The following RIOK1 variants were observed in gnomAD, a reference collection of about 807,000 sequenced individuals.
The protein encoded by RIOK1 is RIO kinase 1.
In RIOK1, 66 loss-of-function variants were observed where a neutral mutation model predicts 73.5. That is an observed-to-expected ratio of 0.90 (90% CI 0.74 to 1.10). RIOK1 has a LOEUF of 1.10. Among genes scored for constraint, RIOK1 ranks in the 50% least tolerant of loss-of-function variants. The pLI is 0.00. For synonymous variants in RIOK1, 224 were observed against 226.8 expected, an observed-to-expected ratio of 0.99 and a Z score of 0.11; for missense variants, 658 against 699.8, an observed-to-expected ratio of 0.94 and a Z score of 0.67.
chr6:7,405,177 T>C, intron 11 of RIOK1, 72 bp from the exon 12 acceptor site: 1 of 1,103,632 alleles, frequency 9.1e-7, no homozygotes, highest in Admixed American at 1.9e-5. Context: ...TCTCCTTGTT[T>C]CTCTATAAGG....
At position 7,389,993 on chromosome 6, in the gene RIOK1, C is replaced by T. The variant is rs765749149; in HGVS notation, c.-10C>T. The T allele has an allele frequency of 1.5e-5, 24 of 1,550,732 alleles. No individual in the cohort carries two copies. The highest frequency in any genetic ancestry group is 3.9e-5 in the Admixed American group (2 of 51,160). On this transcript the variant is annotated 5_prime_UTR_variant, in exon 1 of 17. Transcript: ENST00000379834. ...CGCAGAGCGGCGGCCTCCGGCGGCG[C>T]TCTCCAGTCATGGACTACCGGCGGC... is the stretch of plus-strand genomic sequence containing the variant.
At position 7,412,512 on chromosome 6, in the gene RIOK1, G is replaced by T. The variant is rs567863749; in HGVS notation, c.1390-377G>T. 3.5e-3 allele frequency among the ~76,000 whole-genome samples: 525 copies of T among 152,092 alleles called. 4 individuals are homozygous for T. The highest frequency in any genetic ancestry group is 6.6e-3 in the Non-Finnish European group (449 of 67,976). ...TCTACTAAAAATATAAAAATTAGCT[G>T]GGCATCGTGGCAGCTGTAATCCCTG... is the stretch of plus-strand genomic sequence containing the variant. On this transcript the variant is annotated intron_variant, in intron 14 of 16. Coordinates refer to ENST00000379834, the MANE Select transcript of RIOK1 (RefSeq NM_031480.3).
rs1327033986 is a variant in RIOK1, at chr6:7,403,994, T to C, written c.821T>C (p.Val274Ala). The C allele has an allele frequency of 6.2e-7, 1 of 1,612,448 alleles. No homozygotes were observed. The change falls in exon 9 of 17, where the codon GTT becomes GCT. Residue 274 changes from valine (V) to alanine (A), a missense_variant. Physicochemically the swap from Val to Ala is moderately conservative, Grantham distance 64. Coordinates refer to ENST00000379834, the MANE Select transcript of RIOK1 (RefSeq NM_031480.3). ...CPEPIMLRSH[V>A]LVMSFIGKDD... is the part of the protein sequence containing the mutation. ...GAACCAATAATGCTAAGAAGTCATGTTCTTGTCATGAGTTTCATCGGTAAA... is the reference window on the plus strand; with the variant it reads ...GAACCAATAATGCTAAGAAGTCATGCTCTTGTCATGAGTTTCATCGGTAAA...
At position 7,417,622 on chromosome 6, in the gene RIOK1, A is replaced by G; in HGVS notation, c.*181A>G. 5.1e-6 allele frequency: 2 copies of G among 394,342 alleles called. No individual in the cohort carries two copies. The highest frequency in any genetic ancestry group is 9.4e-6 in the Non-Finnish European group (2 of 212,598). 24.4% of individuals were successfully genotyped at this position (394,342 alleles called of 1,614,324 possible). ...AAAAGCTCTAAGCTCTAGAGTCTAG[A>G]TCCAGTCACTGACTCTGTCTGGTGT... On this transcript the variant is annotated 3_prime_UTR_variant, in exon 17 of 17. Transcript: ENST00000379834.
intron 10 of RIOK1, 35 bp from the exon 11 acceptor site, chr6:7,404,883 T>C (rs773311563): frequency 1.3e-6 from 2 of 1,524,266 alleles, no homozygotes; most frequent in South Asian, 2.3e-5. Context: ...AGTAAAGTAA[T>C]ACCATCCCAC....
At chr6:7,398,176 T>G (rs1412505027) in intron 4 of RIOK1, among the ~76,000 whole-genome samples, 2 of 152,000 alleles carry the variant, frequency 1.3e-5, no homozygotes, top group African/African-American at 4.8e-5. Context: ...CAAAAAAACT[T>G]GTATCTTCTT....
At chr6:7,401,236 A>G (rs965931451) in intron 6 of RIOK1, among the ~76,000 whole-genome samples, 186 bp downstream of exon 6, 3 of 152,220 alleles carry the variant, frequency 2.0e-5, no homozygotes, top group African/African-American at 7.2e-5. Context: ...GCTGCATTGG[A>G]TCATTGAGTC....
intron 8 of RIOK1, 105 bp from the exon 9 acceptor site, chr6:7,403,836 G>A (rs753674708): frequency 8.4e-6 from 6 of 714,624 alleles, no homozygotes; most frequent in Non-Finnish European, 1.5e-5. Context: ...AGAGGCCTTG[G>A]TGCTATTTCT....
rs1227944878 is a variant in RIOK1 at position 7,417,396 on chromosome 6, GA to G, written c.1669del (p.Arg557GlufsTer33). ...GAAAAAACAAAATTCCTAAACATGT[GA>G]AAAAAAGAAAGGAGAAGACAGCCAA... is the stretch of plus-strand genomic sequence containing the variant. ...KRKNKIPKHV[K>X]KRKEKTAKTK... On this transcript the variant is annotated frameshift_variant, in exon 17 of 17. Transcript: ENST00000379834. LOFTEE classifies it high-confidence loss of function. 3.8e-6 allele frequency: 6 copies of G among 1,566,028 alleles called. No individual in the cohort carries two copies. The highest frequency in any genetic ancestry group is 3.9e-5 in the Admixed American group (2 of 51,932).
chr6:7,403,951 G>A lies in RIOK1; in HGVS notation c.778G>A (p.Ala260Thr). The change falls in exon 9 of 17, where the codon GCA (alanine) becomes ACA (threonine). Residue 260 changes from alanine to threonine, a missense_variant. Ala to Thr is a moderately conservative substitution (Grantham distance 58). Transcript: ENST00000379834. ...EMRNLIRLNT[A>T]EIPCPEPIML... The stretch of plus-strand genomic sequence containing the variant: ...GTTATAATATCACAGGCTAAACACA[G>A]CAGAGATACCATGTCCAGAACCAAT... The A allele has an allele frequency of 6.2e-7, 1 of 1,610,704 alleles. No homozygotes were observed. Among genetic ancestry groups the A allele is most frequent in the South Asian group, 1.1e-5 (1 of 90,976 alleles).
At chr6:7,399,936 A>G (rs112460634) in intron 5 of RIOK1, among the ~76,000 whole-genome samples, 196 of 152,326 alleles carry the variant, frequency 1.3e-3, no homozygotes, top group Non-Finnish European at 1.8e-3. Context: ...ACCCTAAAGT[A>G]TAGTTGAGTT....
intron 14 of RIOK1, 101 bp from the exon 15 acceptor site, chr6:7,412,788 G>T: frequency 2.1e-6 from 1 of 478,924 alleles, no homozygotes; most frequent in Non-Finnish European, 3.7e-6. Flanking sequence ...AATCATAGGA[G>T]ACATTATTTA....
intron 1 of RIOK1, 35 bp downstream of exon 1, chr6:7,390,108 G>A (rs114514364): frequency 1.3e-6 from 2 of 1,540,730 alleles, no homozygotes; most frequent in South Asian, 1.2e-5. Flanking sequence ...CTCTGGGTAC[G>A]GCTCTCTCCT....
At chr6:7,406,835 A>T (rs888392919) in intron 12 of RIOK1, among the ~76,000 whole-genome samples, 5 of 151,840 alleles carry the variant, frequency 3.3e-5, no homozygotes, top group African/African-American at 1.2e-4. Context: ...TAATTTGGGT[A>T]TTTTTTGGTA....
chr6:7,415,264 A>T (rs1160554693), intron 16 of RIOK1, among the ~76,000 whole-genome samples: 1 of 152,158 alleles, frequency 6.6e-6, no homozygotes, highest in Admixed American at 6.5e-5. Context: ...CTATTAAAAC[A>T]TTGGTGATGA....
Position 7,398,711 on chromosome 6 carries a change from G to C in RIOK1, c.451G>C (p.Asp151His). 1 of 1,613,130 alleles carries C rather than the reference G, an allele frequency of 6.2e-7. No homozygotes were observed. The highest frequency in any genetic ancestry group is 8.5e-7 in the Non-Finnish European group (1 of 1,179,494). ...GTTTTTGGTTAGGTATCGCATCAAA[G>C]ATAAGGCAGACAGAGCAACTGTAGA... ...QKEADMYRIK[D>H]KADRATVEQV... The change falls in exon 5 of 17, where the codon GAT (aspartate) becomes CAT (histidine). Residue 151 changes from aspartate (D) to histidine (H), a missense_variant. Transcript: ENST00000379834.
chr6:7,409,911 G>C (rs570273480), intron 12 of RIOK1, among the ~76,000 whole-genome samples: 78 of 151,504 alleles, frequency 5.1e-4, no homozygotes, highest in African/African-American at 1.6e-3. Flanking sequence ...TGTCACCCTC[G>C]TTTCAGTCAT....
intron 9 of RIOK1, 89 bp downstream of exon 9, chr6:7,404,116 T>A: frequency 1.1e-6 from 1 of 915,426 alleles, no homozygotes; most frequent in South Asian, 1.4e-5. Context: ...ATTTCCCATT[T>A]GAATAACTTA....
Position 7,417,440 on chromosome 6 carries a change from AG to A in RIOK1, c.1707del (p.Ter569=). 1 of 1,518,086 alleles carries A rather than the reference AG, an allele frequency of 6.6e-7. No homozygotes were observed. Among genetic ancestry groups the A allele is most frequent in the Non-Finnish European group, 8.9e-7 (1 of 1,123,280 alleles). 94.0% of individuals were successfully genotyped at this position (1,518,086 alleles called of 1,614,324 possible). On this transcript the variant is annotated frameshift_variant and stop_lost, in exon 17 of 17. Transcript: ENST00000379834. LOFTEE classifies it high-confidence loss of function. Reference protein sequence around the residue: ...EKTAKTKKGK* With the variant: ...EKTAKTKKGKX ...ACAGCCAAGACGAAAAAAGGCAAATAGAATGAGAACCATATTATGTACAGTC... is the reference window on the plus strand; with the variant it reads ...ACAGCCAAGACGAAAAAAGGCAAATAAATGAGAACCATATTATGTACAGTC...
Sources: gnomAD v4.1 joint callset for allele counts (sites outside exome capture counted in the v4.1 genomes callset) on GRCh38, gnomAD v4.1.1 for gene constraint, MANE v1.5 for transcripts, NCBI Gene and HGNC (gene_info 2026-07-23, HGNC 2026-07-21) for gene names.